ZFAT: variants seen among roughly 807,000 people sequenced by gnomAD.
ZFAT encodes zinc finger and AT-hook domain containing.
Under a neutral mutation model 117.7 loss-of-function variants are expected in ZFAT, and 64 were observed. That is an observed-to-expected ratio of 0.54 (90% CI 0.44 to 0.67). The LOEUF (loss-of-function observed/expected upper bound fraction) is 0.67, where lower values mean the gene tolerates loss of function less well. Among genes scored for constraint, ZFAT ranks in the 30% least tolerant of loss-of-function variants. The pLI is 0.00. For missense variants in ZFAT, 1,433 were observed against 1,584.5 expected (o/e 0.90, Z 1.62); for synonymous variants, 679 against 615.0 (o/e 1.10, Z -1.54).
chr8:134,820,580 A>G, the ZFAT span, among the ~76,000 whole-genome samples: 1 of 152,152 alleles, frequency 6.6e-6, no homozygotes, highest in African/African-American at 2.4e-5. Flanking sequence ...TTATTCTGGG[A>G]CCAGCCATAG....
At chr8:134,516,703 G>T (rs982585763) in intron 13 of ZFAT, among the ~76,000 whole-genome samples, 1 of 151,974 alleles carries the variant, frequency 6.6e-6, no homozygotes, top group Non-Finnish European at 1.5e-5. Context: ...TATAGTGCTT[G>T]CCTATAATCC....
chr8:134,817,134 G>A, the ZFAT span, among the ~76,000 whole-genome samples: 1 of 152,086 alleles, frequency 6.6e-6, no homozygotes, highest in Non-Finnish European at 1.5e-5. Flanking sequence ...TTGCTATTCT[G>A]TAGATGTGAT....
At chr8:134,717,832 T>A (rs983651781), upstream of ZFAT, among the ~76,000 whole-genome samples, 1 of 151,878 alleles carries the variant, frequency 6.6e-6, no homozygotes, top group Admixed American at 6.6e-5. Context: ...GTAATTGGGA[T>A]TACAAGCGCT....
chr8:134,498,792 C>T (rs1476326706), intron 15 of ZFAT, among the ~76,000 whole-genome samples: 4 of 33,504 alleles, frequency 1.2e-4, no homozygotes, highest in Non-Finnish European at 1.7e-4. Context: ...TTGGTAGGGT[C>T]GGGGTGGAGC....
chr8:134,828,442 T>G, the ZFAT span, among the ~76,000 whole-genome samples: 1 of 152,260 alleles, frequency 6.6e-6, no homozygotes, highest in Non-Finnish European at 1.5e-5. Context: ...ACTTCTTGTA[T>G]GCCCTGATGC....
chr8:134,748,159 A>C, the ZFAT span, among the ~76,000 whole-genome samples: 1 of 152,230 alleles, frequency 6.6e-6, no homozygotes, highest in Non-Finnish European at 1.5e-5. Context: ...ATCATCCCCC[A>C]GGCCAAGAAA....
chr8:134,588,160 T>C lies in ZFAT; in HGVS notation c.2713+86A>G, dbSNP rs1276235906. 7 of 1,429,640 alleles carry C rather than the reference T, an allele frequency of 4.9e-6. No homozygotes were observed. In the East Asian group the frequency reaches 1.5e-4, roughly 31 times the overall value. 88.6% of individuals were successfully genotyped at this position (1,429,640 alleles called of 1,614,324 possible). ...AATTCTAACAGCAGGGATGTGAAGA[T>C]ACGGCTTCCTCTTAATGTACTCCCA... On this transcript the variant is annotated intron_variant, in intron 9 of 15. Transcript: ENST00000377838.
chr8:134,736,311 A>G, the ZFAT span, among the ~76,000 whole-genome samples: 2 of 152,142 alleles, frequency 1.3e-5, no homozygotes, highest in Non-Finnish European at 2.9e-5. Flanking sequence ...GTGAGTTATA[A>G]GTGACCCTCA....
chr8:134,674,534 T>C (rs1193722847), intron 1 of ZFAT, among the ~76,000 whole-genome samples: 2 of 152,164 alleles, frequency 1.3e-5, no homozygotes, highest in East Asian at 1.9e-4. Flanking sequence ...GGAGCACCTG[T>C]GGGAAGGGGC....
chr8:134,638,560 C>CAAAAAAAAA (rs1563711719), intron 2 of ZFAT, among the ~76,000 whole-genome samples: 2 of 63,016 alleles, frequency 3.2e-5, no homozygotes, highest in African/African-American at 1.5e-4. Context: ...AAAAAAAAAA[C>CAAAAAAAAA]AAAACAAAAA....
At chr8:134,741,683 C>G in the ZFAT span, among the ~76,000 whole-genome samples, 1 of 152,092 alleles carries the variant, frequency 6.6e-6, no homozygotes, top group Non-Finnish European at 1.5e-5. Flanking sequence ...AAAGCCACAC[C>G]CAGTCCAGAC....
chr8:134,583,723 G>C, intron 10 of ZFAT, 109 bp downstream of exon 10: 2 of 1,343,042 alleles, frequency 1.5e-6, no homozygotes, highest in Admixed American at 2.3e-5. Context: ...TCCTTCTAAC[G>C]GGCAAGTGCT....
chr8:134,602,434 T>C lies in ZFAT; in HGVS notation c.1285A>G (p.Lys429Glu). ...CAGAGCTCACAGGCAAAAGGCCACT[T>C]GTCTCCGTGGACCAGCATATGGCGG... ...RDRHMLVHGDKWPFACELCGH... is the reference protein window; with the variant it reads ...RDRHMLVHGDEWPFACELCGH... The change falls in exon 6 of 16, where the codon AAG becomes GAG. Residue 429 changes from lysine to glutamate, a missense_variant. Lys to Glu is a moderately conservative substitution (Grantham distance 56). Transcript: ENST00000377838. 6.2e-7 allele frequency: 1 copy of C among 1,613,952 alleles called. No individual in the cohort carries two copies. The highest frequency in any genetic ancestry group is 8.5e-7 in the Non-Finnish European group (1 of 1,179,992).
At chr8:134,822,214 G>A in the ZFAT span, among the ~76,000 whole-genome samples, 3 of 152,214 alleles carry the variant, frequency 2.0e-5, no homozygotes, top group South Asian at 6.2e-4. Flanking sequence ...GACAATATTA[G>A]TATACTGACC....
intron 15 of ZFAT, among the ~76,000 whole-genome samples, chr8:134,501,206 T>A (rs1032613313): frequency 6.6e-6 from 1 of 152,156 alleles, no homozygotes; most frequent in Admixed American, 6.5e-5. Flanking sequence ...TAGTATTAGA[T>A]CATCTGAGGC....
chr8:134,674,797 A>T, intron 1 of ZFAT: 1 of 304,222 alleles, frequency 3.3e-6, no homozygotes, highest in Non-Finnish European at 6.6e-6. Context: ...CAGAGGCAGG[A>T]ACAGGCAGCA....
Position 134,708,954 on chromosome 8 carries a change from AAATT to A in ZFAT, c.19+3887_19+3890del, listed in dbSNP as rs1425301329. Among the ~76,000 whole-genome samples, 171 of 152,172 alleles carry A rather than the reference AAATT, an allele frequency of 1.1e-3. 1 individual carries two copies. The Middle Eastern group carries it at 0.024, about 21-fold the overall frequency. ...GCAAAGAGCAAAACTCCGTGCCAAT[AAATT>A]AATTTAATTTAATTTTTAAAAATGA... On this transcript the variant is annotated intron_variant, in intron 1 of 15. Coordinates refer to ENST00000377838, the MANE Select transcript of ZFAT (RefSeq NM_020863.4).
chr8:134,616,169 C>A (rs151333376), intron 3 of ZFAT, among the ~76,000 whole-genome samples: 48 of 152,320 alleles, frequency 3.2e-4, no homozygotes, highest in African/African-American at 1.1e-3. Flanking sequence ...CTCCTCACAG[C>A]CCTGAACCCA....
chr8:134,558,105 T>G (rs1454816674), intron 11 of ZFAT, among the ~76,000 whole-genome samples: 1 of 152,182 alleles, frequency 6.6e-6, no homozygotes, highest in Non-Finnish European at 1.5e-5. Context: ...ATGTGAACAT[T>G]TATCAAGATC....
Sources: gnomAD v4.1 joint callset for allele counts (sites outside exome capture counted in the v4.1 genomes callset) on GRCh38, gnomAD v4.1.1 for gene constraint, MANE v1.5 for transcripts, NCBI Gene and HGNC (gene_info 2026-07-23, HGNC 2026-07-21) for gene names.